Variants in CCDC91 observed in about 807,000 individuals in gnomAD.
CCDC91 encodes coiled-coil domain containing 91.
A neutral mutation model predicts 63.2 loss-of-function variants in CCDC91; 48 were observed. The observed-to-expected ratio is 0.76, with a 90% CI of 0.60 to 0.97. The LOEUF (loss-of-function observed/expected upper bound fraction) is 0.97. Among genes scored for constraint, CCDC91 ranks in the 50% least tolerant of loss-of-function variants. CCDC91 has a pLI of 0.00. For synonymous variants in CCDC91, 167 were observed against 165.8 expected, an observed-to-expected ratio of 1.01 and a Z score of -0.06; for missense variants, 500 against 494.6, an observed-to-expected ratio of 1.01 and a Z score of -0.10.
chr12:28,442,164 G>A (rs1235339343), intron 8 of CCDC91, among the ~76,000 whole-genome samples: 10 of 152,036 alleles, frequency 6.6e-5, no homozygotes, highest in Admixed American at 6.6e-4. Flanking sequence ...AACAAAAGAG[G>A]AATTACTACT....
intron 3 of CCDC91, among the ~76,000 whole-genome samples, chr12:28,283,219 AT>A (rs55784913): frequency 0.25 from 35,220 of 138,424 alleles, 4,539 homozygotes; most frequent in East Asian, 0.57. Flanking sequence ...GAATTTTAGG[AT>A]TTTTTTTTTT....
At chr12:28,361,396 T>C (rs926202172) in intron 6 of CCDC91, among the ~76,000 whole-genome samples, 1 of 152,124 alleles carries the variant, frequency 6.6e-6, no homozygotes, top group Admixed American at 6.6e-5. Flanking sequence ...GTGTTCTCAT[T>C]GTTCAGTTCC....
intron 1 of CCDC91, among the ~76,000 whole-genome samples, chr12:28,199,404 C>T (rs546260525): frequency 2.0e-5 from 3 of 152,096 alleles, no homozygotes; most frequent in Non-Finnish European, 2.9e-5. Context: ...TACATTAATA[C>T]AGTATCCATT....
At chr12:28,209,038 C>T (rs1328482513) in intron 1 of CCDC91, among the ~76,000 whole-genome samples, 2 of 151,796 alleles carry the variant, frequency 1.3e-5, no homozygotes, top group African/African-American at 4.8e-5. Context: ...GATCTCCTGA[C>T]CTCATGATCT....
At chr12:28,284,999 G>A (rs1948829264) in intron 3 of CCDC91, among the ~76,000 whole-genome samples, 1 of 152,174 alleles carries the variant, frequency 6.6e-6, no homozygotes, top group Admixed American at 6.5e-5. Flanking sequence ...ATTCTAGTAT[G>A]GAGGGTTGGT....
intron 12 of CCDC91, among the ~76,000 whole-genome samples, chr12:28,507,691 G>C (rs953672790): frequency 6.6e-6 from 1 of 151,958 alleles, no homozygotes; most frequent in East Asian, 2.0e-4. Flanking sequence ...TTACTGTGCT[G>C]TATCCAGATT....
chr12:28,468,707 C>A (rs972351513), intron 11 of CCDC91, among the ~76,000 whole-genome samples: 5 of 151,804 alleles, frequency 3.3e-5, no homozygotes, highest in African/African-American at 1.2e-4. Flanking sequence ...ATTAGCAAAC[C>A]AAATTCAGCA....
At chr12:28,447,450 A>G (rs1440670632) in intron 8 of CCDC91, among the ~76,000 whole-genome samples, 4 of 151,836 alleles carry the variant, frequency 2.6e-5, no homozygotes, top group Non-Finnish European at 5.9e-5. Flanking sequence ...TAATGAGCAT[A>G]TATCAGTCTT....
At chr12:28,269,119 G>T (rs1034372265) in intron 3 of CCDC91, among the ~76,000 whole-genome samples, 1 of 152,096 alleles carries the variant, frequency 6.6e-6, no homozygotes, top group Non-Finnish European at 1.5e-5. Flanking sequence ...GAATACTGTT[G>T]TTGCTAATGT....
intron 12 of CCDC91, among the ~76,000 whole-genome samples, chr12:28,539,426 G>A (rs545551950): frequency 2.0e-5 from 3 of 152,166 alleles, no homozygotes; most frequent in African/African-American, 4.8e-5. Flanking sequence ...TAGATAAGTG[G>A]CATTATTTCT....
chr12:28,433,159 T>G (rs1948721474), intron 8 of CCDC91, among the ~76,000 whole-genome samples: 1 of 151,980 alleles, frequency 6.6e-6, no homozygotes, highest in Non-Finnish European at 1.5e-5. Flanking sequence ...TCCCAGTCTG[T>G]GGCTTGTCTT....
chr12:28,367,895 A>G (rs900463723), intron 7 of CCDC91, among the ~76,000 whole-genome samples: 6 of 152,126 alleles, frequency 3.9e-5, no homozygotes, highest in Non-Finnish European at 8.8e-5. Context: ...CCTTAACAGA[A>G]CAAAAACTGA....
chr12:28,452,879 A>G (rs185615542), intron 11 of CCDC91, among the ~76,000 whole-genome samples: 130 of 151,820 alleles, frequency 8.6e-4, no homozygotes, highest in Non-Finnish European at 1.6e-3. Flanking sequence ...TGACCATTTT[A>G]CCCTTTTACT....
intron 8 of CCDC91, among the ~76,000 whole-genome samples, chr12:28,430,236 T>C (rs1013181137): frequency 2.0e-5 from 3 of 152,064 alleles, no homozygotes; most frequent in Admixed American, 6.6e-5. Context: ...AATGATAGTT[T>C]TTAAAAGGAA....
chr12:28,484,214 A>G (rs1174082919), intron 12 of CCDC91, 49 bp downstream of exon 12: 2 of 981,108 alleles, frequency 2.0e-6, no homozygotes, highest in Admixed American at 2.2e-5. Context: ...AAACTGAATC[A>G]GTGACTTCCA....
At chr12:28,460,489 C>T (rs770479966) in intron 11 of CCDC91, among the ~76,000 whole-genome samples, 3 of 151,778 alleles carry the variant, frequency 2.0e-5, no homozygotes, top group Non-Finnish European at 4.4e-5. Context: ...TGTATGAGGC[C>T]CACTTTCAGA....
chr12:28,478,609 G>A (rs1192615325), intron 11 of CCDC91, among the ~76,000 whole-genome samples: 6 of 152,150 alleles, frequency 3.9e-5, no homozygotes, highest in East Asian at 1.9e-4. Flanking sequence ...AAAATTGACA[G>A]ATGGGATCTA....
At chr12:28,265,387 T>C (rs1592141803) in intron 3 of CCDC91, among the ~76,000 whole-genome samples, 1 of 152,048 alleles carries the variant, frequency 6.6e-6, no homozygotes, top group East Asian at 1.9e-4. Context: ...ATAATGGGAA[T>C]TGGACCAGCA....
chr12:28,325,338 C>G (rs1295199013), intron 6 of CCDC91, among the ~76,000 whole-genome samples: 1 of 151,964 alleles, frequency 6.6e-6, no homozygotes, highest in Non-Finnish European at 1.5e-5. Context: ...CAGGTTTATT[C>G]ATATATTTAT....
Sources: gnomAD v4.1 joint callset for allele counts (sites outside exome capture counted in the v4.1 genomes callset) on GRCh38, gnomAD v4.1.1 for gene constraint, MANE v1.5 for transcripts, NCBI Gene and HGNC (gene_info 2026-07-23, HGNC 2026-07-21) for gene names.